Variants in MDGA2 observed in about 807,000 individuals in gnomAD.
The protein encoded by MDGA2 is MAM domain-containing glycosylphosphatidylinositol anchor protein 2.
Under a neutral mutation model 117.8 loss-of-function variants are expected in MDGA2, and 40 were observed. The ratio of observed to expected loss-of-function variants is 0.34; its 90% CI spans 0.26 to 0.44. The LOEUF is 0.44. MDGA2 is among the 20% of genes least tolerant of loss of function. The pLI is 1.00. For missense variants in MDGA2, 1,123 were observed against 1,250.6 expected (o/e 0.90, Z 1.54); for synonymous variants, 452 against 439.0 (o/e 1.03, Z -0.37).
At chr14:47,225,966 G>A (rs1886480029) in intron 2 of MDGA2, among the ~76,000 whole-genome samples, 1 of 151,914 alleles carries the variant, frequency 6.6e-6, no homozygotes, top group South Asian at 2.1e-4. Context: ...CAAGATATAT[G>A]CAGATAAGAA....
intron 1 of MDGA2, among the ~76,000 whole-genome samples, chr14:47,528,765 T>G (rs1272222394): frequency 6.6e-6 from 1 of 152,170 alleles, no homozygotes; most frequent in Non-Finnish European, 1.5e-5. Context: ...CTCTTCTAAC[T>G]TTACATAGCC....
rs533619349 is a variant in MDGA2, at chr14:47,005,841, T to C, written c.1819+29170A>G. On this transcript the variant is annotated intron_variant, in intron 8 of 16. Transcript: ENST00000399232. ...TATTTTTATTTGTATACTTAAACAT[T>C]GATTGTATGTTTTATAAGCCACGTG... Among the ~76,000 whole-genome samples the C allele has an allele frequency of 2.8e-4, 42 of 151,806 alleles. No homozygotes were observed. The South Asian group carries it at 3.9e-3, about 14-fold the overall frequency.
intron 3 of MDGA2, among the ~76,000 whole-genome samples, chr14:47,155,829 G>A (rs1014699841): frequency 6.7e-6 from 1 of 149,638 alleles, no homozygotes; most frequent in Non-Finnish European, 1.5e-5. Flanking sequence ...CACCCCAAGG[G>A]TCTTGCGACA....
At chr14:47,191,419 CAT>C (rs59188931) in intron 3 of MDGA2, among the ~76,000 whole-genome samples, 25,285 of 143,372 alleles carry the variant, frequency 0.18, 2,519 homozygotes, top group African/African-American at 0.28. Context: ...TATATATTTA[CAT>C]ATATATATAT....
At chr14:46,898,081 T>C (rs1883149665) in intron 10 of MDGA2, among the ~76,000 whole-genome samples, 1 of 151,768 alleles carries the variant, frequency 6.6e-6, no homozygotes, top group Non-Finnish European at 1.5e-5. Context: ...AAAATAAAAA[T>C]AACAAATAAA....
At chr14:47,665,421 A>G (rs994804041) in intron 1 of MDGA2, among the ~76,000 whole-genome samples, 1 of 152,226 alleles carries the variant, frequency 6.6e-6, no homozygotes, top group Admixed American at 6.5e-5. Context: ...CTCTGTACCC[A>G]TTCTGGCCAC....
chr14:47,342,886 GA>G, intron 1 of MDGA2: 4 of 403,584 alleles, frequency 9.9e-6, no homozygotes, highest in Admixed American at 3.1e-5. Flanking sequence ...CCGTGTGGGG[GA>G]AAAAAGAGGA....
At chr14:47,487,501 C>G (rs1311991644) in intron 1 of MDGA2, among the ~76,000 whole-genome samples, 15 of 152,134 alleles carry the variant, frequency 9.9e-5, no homozygotes, top group Admixed American at 9.8e-4. Context: ...AGAGAAGACT[C>G]ACAGAAAATG....
intron 1 of MDGA2, among the ~76,000 whole-genome samples, chr14:47,613,369 T>C (rs1187620271): frequency 6.6e-6 from 1 of 151,980 alleles, no homozygotes; most frequent in Non-Finnish European, 1.5e-5. Context: ...AGCTGCAAGG[T>C]AGACTTCAGA....
At chr14:47,588,200 T>A (rs902018921) in intron 1 of MDGA2, among the ~76,000 whole-genome samples, 1 of 148,656 alleles carries the variant, frequency 6.7e-6, no homozygotes, top group African/African-American at 2.5e-5. Context: ...ACAAATTTTG[T>A]GTAAAACTAT....
At chr14:47,481,497 TTC>T (rs1484815990) in intron 1 of MDGA2, among the ~76,000 whole-genome samples, 4 of 152,028 alleles carry the variant, frequency 2.6e-5, no homozygotes, top group Non-Finnish European at 4.4e-5. Flanking sequence ...AATGTAATGT[TTC>T]TCTGTGTCTT....
At chr14:47,449,373 C>T (rs1893192785) in intron 1 of MDGA2, among the ~76,000 whole-genome samples, 1 of 152,084 alleles carries the variant, frequency 6.6e-6, no homozygotes, top group African/African-American at 2.4e-5. Context: ...TTAGACTCAC[C>T]TCTACTATAA....
chr14:47,506,975 G>C (rs1210171833), intron 1 of MDGA2, among the ~76,000 whole-genome samples: 1 of 150,998 alleles, frequency 6.6e-6, no homozygotes, highest in Non-Finnish European at 1.5e-5. Context: ...AGTGGAAGAA[G>C]AGACAAAAAG....
intron 1 of MDGA2, among the ~76,000 whole-genome samples, chr14:47,405,624 C>A (rs116939687): frequency 1.3e-5 from 2 of 152,246 alleles, no homozygotes; most frequent in South Asian, 4.1e-4. Flanking sequence ...AGAGTCTTTC[C>A]AAATACCTTT....
At chr14:47,074,796 C>G (rs916721763) in intron 6 of MDGA2, among the ~76,000 whole-genome samples, 1 of 152,194 alleles carries the variant, frequency 6.6e-6, no homozygotes, top group African/African-American at 2.4e-5. Context: ...TTCTTCACAG[C>G]TTGCTTTTAC....
intron 2 of MDGA2, among the ~76,000 whole-genome samples, chr14:47,223,886 C>T (rs1886386135): frequency 6.6e-6 from 1 of 152,000 alleles, no homozygotes; most frequent in Non-Finnish European, 1.5e-5. Flanking sequence ...CACATGGCGG[C>T]AGGAGAGAGA....
chr14:47,428,671 C>A (rs1183244851), intron 1 of MDGA2, among the ~76,000 whole-genome samples: 1 of 151,904 alleles, frequency 6.6e-6, no homozygotes, highest in Non-Finnish European at 1.5e-5. Flanking sequence ...TTTTCCCTAT[C>A]ATTTCTGTCT....
rs556031212 is a variant in MDGA2 at position 46,885,546 on chromosome 14, C to A, written c.2239-3325G>T. Among the ~76,000 whole-genome samples, 363 of 152,168 alleles carry A rather than the reference C, an allele frequency of 2.4e-3. 3 individuals carry two copies. Among genetic ancestry groups the A allele is most frequent in the Non-Finnish European group, 2.4e-3 (165 of 67,974 alleles). ...TTTTCCACCATCAAGTAGGCAGAAA[C>A]TTTTTAAAGATTAACTATTAGGGCT... On this transcript the variant is annotated intron_variant, in intron 10 of 16. Coordinates refer to ENST00000399232, the MANE Select transcript of MDGA2 (RefSeq NM_001113498.3).
At chr14:47,178,581 C>T (rs1054781844) in intron 3 of MDGA2, among the ~76,000 whole-genome samples, 1 of 151,984 alleles carries the variant, frequency 6.6e-6, no homozygotes, top group African/African-American at 2.4e-5. Context: ...CATTTATGTA[C>T]CAGGCACTGA....
Sources: gnomAD v4.1 joint callset for allele counts (sites outside exome capture counted in the v4.1 genomes callset) on GRCh38, gnomAD v4.1.1 for gene constraint, MANE v1.5 for transcripts, NCBI Gene and HGNC (gene_info 2026-07-23, HGNC 2026-07-21) for gene names.